Variants in CIMIP3 observed in about 807,000 individuals in gnomAD.
CIMIP3 encodes ciliary microtubule inner protein 3, also known as GUCA1A neighbor.
At chr6:42,162,090 C>CTTTTTT in the CIMIP3 span, among the ~76,000 whole-genome samples, 4 of 63,092 alleles carry the variant, frequency 6.3e-5, no homozygotes, top group Non-Finnish European at 8.7e-5. Flanking sequence ...AAGCCACATT[C>CTTTTTT]TTTTTTTTTT....
the CIMIP3 span, among the ~76,000 whole-genome samples, chr6:42,159,361 G>A: frequency 6.6e-6 from 1 of 152,178 alleles, no homozygotes; most frequent in East Asian, 1.9e-4. Flanking sequence ...CTCAGTCGTG[G>A]TGTCTTTGTC....
the CIMIP3 span, chr6:42,162,877 A>T: frequency 1.7e-6 from 1 of 598,812 alleles, no homozygotes; most frequent in Non-Finnish European, 3.1e-6. Flanking sequence ...TTGAAGTCCC[A>T]GTATCCAATG....
At chr6:42,159,392 G>T in the CIMIP3 span, among the ~76,000 whole-genome samples, 1 of 152,190 alleles carries the variant, frequency 6.6e-6, no homozygotes, top group African/African-American at 2.4e-5. Context: ...CAAGAGCCTG[G>T]CATCCAAGAG....
the CIMIP3 span, among the ~76,000 whole-genome samples, chr6:42,160,159 A>T: frequency 2.9e-4 from 44 of 149,718 alleles, no homozygotes; most frequent in Admixed American, 9.3e-4. Context: ...CTAATTTTTA[A>T]TTTTTTTTTT....
chr6:42,156,529 C>T, the CIMIP3 span, among the ~76,000 whole-genome samples: 8 of 152,210 alleles, frequency 5.3e-5, no homozygotes, highest in East Asian at 7.7e-4. Flanking sequence ...GGCCTACCCC[C>T]GGCTTCCCTA....
chr6:42,158,717 G>C, the CIMIP3 span, among the ~76,000 whole-genome samples: 1 of 152,224 alleles, frequency 6.6e-6, no homozygotes, highest in African/African-American at 2.4e-5. Context: ...GTCTCAAATG[G>C]CTCTTAGGAG....
At chr6:42,155,644 C>T in the CIMIP3 span, 4 of 717,186 alleles carry the variant, frequency 5.6e-6, no homozygotes, top group Non-Finnish European at 1.0e-5. Flanking sequence ...GGTGCTGCTG[C>T]CTGCCTTGTA....
the CIMIP3 span, among the ~76,000 whole-genome samples, chr6:42,162,090 C>CTTTT: frequency 9.2e-4 from 58 of 63,080 alleles, 1 homozygote; most frequent in African/African-American, 1.2e-3. Context: ...AAGCCACATT[C>CTTTT]TTTTTTTTTT....
chr6:42,157,237 T>C, the CIMIP3 span, among the ~76,000 whole-genome samples: 51 of 152,136 alleles, frequency 3.4e-4, no homozygotes, highest in African/African-American at 1.2e-3. Flanking sequence ...TATGAAGGGA[T>C]ATTTCTTTTT....
chr6:42,156,699 C>G, the CIMIP3 span, among the ~76,000 whole-genome samples: 1 of 152,226 alleles, frequency 6.6e-6, no homozygotes. Context: ...CATGGCACCC[C>G]ACCACAAGCT....
the CIMIP3 span, among the ~76,000 whole-genome samples, chr6:42,162,409 CT>C: frequency 0.12 from 16,185 of 134,630 alleles, 1,012 homozygotes; most frequent in East Asian, 0.19. Flanking sequence ...GAGCGAAACT[CT>C]TTTTTTTTTT....
the CIMIP3 span, among the ~76,000 whole-genome samples, chr6:42,159,406 C>G: frequency 6.6e-6 from 1 of 152,178 alleles, no homozygotes; most frequent in African/African-American, 2.4e-5. Context: ...CCAAGAGGTG[C>G]CCAGGAATGG....
chr6:42,161,730 T>TGGGC, the CIMIP3 span, among the ~76,000 whole-genome samples: 7 of 152,222 alleles, frequency 4.6e-5, no homozygotes, highest in South Asian at 1.0e-3. Context: ...TAAAATAGAA[T>TGGGC]GGGCTGGCTG....
chr6:42,155,488 G>GTGA, the CIMIP3 span: 1 of 714,502 alleles, frequency 1.4e-6, no homozygotes, highest in Non-Finnish European at 2.6e-6. Flanking sequence ...TGTGCAAGGT[G>GTGA]TGATGAAATC....
the CIMIP3 span, chr6:42,162,786 C>A: frequency 8.9e-6 from 4 of 451,716 alleles, no homozygotes; most frequent in East Asian, 1.4e-4. Context: ...GCTCCATGGT[C>A]AGCACAGCAG....
At chr6:42,160,871 G>T in the CIMIP3 span, among the ~76,000 whole-genome samples, 2 of 152,216 alleles carry the variant, frequency 1.3e-5, no homozygotes, top group East Asian at 3.9e-4. Flanking sequence ...GACAAGTTTG[G>T]GCTGGGCAGA....
the CIMIP3 span, among the ~76,000 whole-genome samples, chr6:42,156,859 G>C: frequency 0.19 from 28,687 of 152,218 alleles, 3,465 homozygotes; most frequent in African/African-American, 0.34. Context: ...AAGGCACATT[G>C]GACAGCACCA....
chr6:42,162,756 C>T, the CIMIP3 span, among the ~76,000 whole-genome samples: 1 of 152,154 alleles, frequency 6.6e-6, no homozygotes, highest in Non-Finnish European at 1.5e-5. Flanking sequence ...GATGGCTCTC[C>T]CCTGCTCTGG....
At chr6:42,161,230 T>C in the CIMIP3 span, among the ~76,000 whole-genome samples, 2 of 152,098 alleles carry the variant, frequency 1.3e-5, no homozygotes, top group East Asian at 1.9e-4. Context: ...AAATACATCA[T>C]GATTTGAGCA....
Sources: gnomAD v4.1 joint callset for allele counts (sites outside exome capture counted in the v4.1 genomes callset) on GRCh38, gnomAD v4.1.1 for gene constraint, MANE v1.5 for transcripts, NCBI Gene and HGNC (gene_info 2026-07-23, HGNC 2026-07-21) for gene names.